CCDC91: variants seen among roughly 807,000 people sequenced by gnomAD.
The protein encoded by CCDC91 is coiled-coil domain containing 91.
Under a neutral mutation model 63.2 loss-of-function variants are expected in CCDC91, and 48 were observed. The observed-to-expected ratio is 0.76, with a 90% CI of 0.60 to 0.97. CCDC91 has a LOEUF of 0.97. Ranked by LOEUF, CCDC91 falls within the 50% of genes least tolerant of loss-of-function variation. The probability of loss-of-function intolerance (pLI) is 0.00; values close to 1 mark genes in which losing one functional copy is unlikely to be tolerated. For missense variants in CCDC91, 500 were observed against 494.6 expected, an observed-to-expected ratio of 1.01 and a Z score of -0.10; for synonymous variants, 167 against 165.8, an observed-to-expected ratio of 1.01 and a Z score of -0.06.
chr12:28,430,182 AGTTT>A (rs1260769566), intron 8 of CCDC91, among the ~76,000 whole-genome samples: 5 of 152,104 alleles, frequency 3.3e-5, no homozygotes, highest in Non-Finnish European at 7.4e-5. Context: ...TAGAAAACTT[AGTTT>A]ATGATTTTTA....
chr12:28,307,641 T>G lies in CCDC91; in HGVS notation c.472-4T>G. ...CAAAGCTTGTATTTGTATTTTTATTTTAGGATGTGGAATCATTGATGGAAA... is the reference window on the plus strand; with the variant it reads ...CAAAGCTTGTATTTGTATTTTTATTGTAGGATGTGGAATCATTGATGGAAA... On this transcript the variant is annotated splice_region_variant and splice_polypyrimidine_tract_variant and intron_variant, in intron 5 of 12. Coordinates refer to ENST00000536442, the MANE Select transcript of CCDC91 (RefSeq NM_018318.5). 1 of 1,444,536 alleles carries G rather than the reference T, an allele frequency of 6.9e-7. No homozygotes were observed. Among genetic ancestry groups the G allele is most frequent in the Non-Finnish European group, 9.5e-7 (1 of 1,057,568 alleles). 89.5% of individuals were successfully genotyped at this position (1,444,536 alleles called of 1,614,324 possible).
At chr12:28,358,531 G>A (rs74343139) in intron 6 of CCDC91, among the ~76,000 whole-genome samples, 2,093 of 152,194 alleles carry the variant, frequency 0.014, 51 homozygotes, top group African/African-American at 0.048. Context: ...AAAATTTCAC[G>A]CTCTCAAATT....
At chr12:28,206,530 C>T (rs1824768) in intron 1 of CCDC91, among the ~76,000 whole-genome samples, 31,272 of 152,032 alleles carry the variant, frequency 0.21, 4,213 homozygotes, top group Non-Finnish European at 0.31. Flanking sequence ...GGAGTATGCT[C>T]CTTACCTAGG....
chr12:28,194,196 C>A (rs559744998), intron 1 of CCDC91, among the ~76,000 whole-genome samples: 4 of 152,112 alleles, frequency 2.6e-5, no homozygotes, highest in Non-Finnish European at 1.5e-5. Flanking sequence ...AGGTCTGTGA[C>A]CAATTTCGAG....
intron 8 of CCDC91, among the ~76,000 whole-genome samples, chr12:28,422,321 T>C (rs1257912882): frequency 6.6e-6 from 1 of 152,064 alleles, no homozygotes; most frequent in African/African-American, 2.4e-5. Context: ...TTTATATGGG[T>C]TATAGGAGGT....
intron 8 of CCDC91, among the ~76,000 whole-genome samples, chr12:28,427,973 G>A (rs1948418594): frequency 6.6e-6 from 1 of 152,180 alleles, no homozygotes; most frequent in South Asian, 2.1e-4. Context: ...ATAAAGTAGG[G>A]ATGAGGATGT....
At chr12:28,229,103 A>T (rs1192780146) in intron 1 of CCDC91, among the ~76,000 whole-genome samples, 1 of 152,086 alleles carries the variant, frequency 6.6e-6, no homozygotes, top group Non-Finnish European at 1.5e-5. Flanking sequence ...CTATATATGT[A>T]ATCAAACTGT....
intron 8 of CCDC91, among the ~76,000 whole-genome samples, chr12:28,409,571 TTTAATTTACGTAAC>T (rs1947187910): frequency 6.6e-6 from 1 of 152,098 alleles, no homozygotes; most frequent in South Asian, 2.1e-4. Flanking sequence ...ACCTTTATTA[TTTAATTTACGTAAC>T]TTAATTGGCT....
intron 8 of CCDC91, among the ~76,000 whole-genome samples, chr12:28,394,766 T>C (rs1438175065): frequency 7.1e-6 from 1 of 139,936 alleles, no homozygotes; most frequent in Non-Finnish European, 1.6e-5. Flanking sequence ...CAGTTAATTC[T>C]AAAGCAGAAT....
At chr12:28,483,646 G>A (rs1951562893) in intron 11 of CCDC91, among the ~76,000 whole-genome samples, 1 of 152,070 alleles carries the variant, frequency 6.6e-6, no homozygotes, top group Admixed American at 6.6e-5. Flanking sequence ...TGATTATTGT[G>A]TGATGGCAAA....
chr12:28,200,769 T>G (rs558027275), intron 1 of CCDC91, among the ~76,000 whole-genome samples: 37,071 of 147,898 alleles, frequency 0.25, 4,859 homozygotes, highest in Non-Finnish European at 0.3. Flanking sequence ...CATCATGGCC[T>G]GTTCTCAATG....
At chr12:28,235,370 T>G (rs1944876094) in intron 1 of CCDC91, among the ~76,000 whole-genome samples, 1 of 152,134 alleles carries the variant, frequency 6.6e-6, no homozygotes. Context: ...ATCCTGAGAA[T>G]ATTTCTGGTG....
chr12:28,319,305 G>C (rs1281678997), intron 6 of CCDC91: 1 of 151,874 alleles, frequency 6.6e-6, no homozygotes, highest in Non-Finnish European at 1.5e-5. Flanking sequence ...GCAGAAAAAA[G>C]TATTAATGCC....
intron 1 of CCDC91, among the ~76,000 whole-genome samples, chr12:28,244,314 A>T (rs1035917016): frequency 2.6e-5 from 4 of 151,878 alleles, no homozygotes; most frequent in Admixed American, 2.6e-4. Flanking sequence ...ATCATCAGCA[A>T]TCTTCCTAAA....
intron 1 of CCDC91, among the ~76,000 whole-genome samples, chr12:28,226,903 A>G (rs1944304390): frequency 6.6e-6 from 1 of 152,132 alleles, no homozygotes; most frequent in Non-Finnish European, 1.5e-5. Context: ...GTGGTTTCTT[A>G]AACTTTACTT....
At chr12:28,280,419 T>C (rs1948527920) in intron 3 of CCDC91, among the ~76,000 whole-genome samples, 1 of 152,170 alleles carries the variant, frequency 6.6e-6, no homozygotes, top group Non-Finnish European at 1.5e-5. Flanking sequence ...TAATTCAGTC[T>C]GAAATACTGC....
intron 1 of CCDC91, among the ~76,000 whole-genome samples, chr12:28,220,604 A>C: frequency 6.6e-6 from 1 of 151,854 alleles, no homozygotes; most frequent in Non-Finnish European, 1.5e-5. Context: ...AAATTTCCTC[A>C]ATATTTCTTT....
chr12:28,412,185 A>G lies in CCDC91; in HGVS notation c.762+20774A>G, dbSNP rs1156323566. 2.6e-5 allele frequency among the ~76,000 whole-genome samples: 4 copies of G among 152,206 alleles called. No individual in the cohort carries two copies. In the South Asian group the frequency reaches 6.2e-4, roughly 24 times the overall value. The stretch of plus-strand genomic sequence containing the variant: ...ATCTAGGTTTGTGTAAGTACACTCT[A>G]TGATGTTCACACAATGATGAAATTG... On this transcript the variant is annotated intron_variant, in intron 8 of 12. Coordinates refer to ENST00000536442, the MANE Select transcript of CCDC91 (RefSeq NM_018318.5).
intron 6 of CCDC91, among the ~76,000 whole-genome samples, chr12:28,331,853 A>G (rs1238484253): frequency 6.6e-6 from 1 of 152,132 alleles, no homozygotes; most frequent in African/African-American, 2.4e-5. Context: ...GAAATACGTA[A>G]AAATATATAA....
Sources: allele counts gnomAD v4.1 joint callset (sites outside exome capture counted in the v4.1 genomes callset), GRCh38; gene constraint gnomAD v4.1.1; transcripts MANE v1.5; gene names NCBI Gene and HGNC (gene_info 2026-07-23, HGNC 2026-07-21).